The following INPP5E variants were observed in gnomAD, a reference collection of about 807,000 sequenced individuals.
The protein encoded by INPP5E is phosphatidylinositol polyphosphate 5-phosphatase type IV.
A neutral mutation model predicts 50.5 loss-of-function variants in INPP5E; 34 were observed. The ratio of observed to expected loss-of-function variants is 0.67; its 90% CI spans 0.51 to 0.90. The LOEUF (loss-of-function observed/expected upper bound fraction) is 0.90, where lower values mean the gene tolerates loss of function less well. INPP5E is among the 40% of genes least tolerant of loss of function. The pLI, the probability that INPP5E is intolerant of heterozygous loss-of-function variation, is 0.00. For missense variants in INPP5E, 942 were observed against 905.5 expected (o/e 1.04, Z -0.52); for synonymous variants, 447 against 406.0 (o/e 1.10, Z -1.21).
chr9:136,432,532 G>C lies in INPP5E; in HGVS notation c.1334C>G (p.Ala445Gly). The change falls in exon 6 of 10, where the codon GCC becomes GGC. Residue 445 changes from alanine (A) to glycine (G), a missense_variant. Coordinates refer to ENST00000371712, the MANE Select transcript of INPP5E (RefSeq NM_019892.6). ...GGGCACATTTCTGGGCAGGACCAGG[G>C]CTTGTACAGTCCTGGTGTAGTCCAG... is the stretch of plus-strand genomic sequence containing the variant. ...RLLDYTRTVQ[A>G]LVLPRNVPDT... The C allele has an allele frequency of 6.4e-7, 1 of 1,551,360 alleles. No homozygotes were observed. The highest frequency in any genetic ancestry group is 1.4e-5 in the African/African-American group (1 of 73,282).
Position 136,429,554 on chromosome 9 carries a change from GAGGCA to G in INPP5E, c.*116_*120del. 7.5e-7 allele frequency: 1 copy of G among 1,334,304 alleles called. No individual in the cohort carries two copies. Among genetic ancestry groups the G allele is most frequent in the Non-Finnish European group, 1.1e-6 (1 of 939,772 alleles). The allele number at this position is 1,334,304 out of a possible 1,614,324, so 82.7% of individuals were successfully genotyped here. Reference sequence around the variant, plus strand: ...GCTTCCTTCCTGGGACGCTGGCACAGAGGCACGGTCGCCACAGTCCCTCGGATCCC... The same window carrying G: ...GCTTCCTTCCTGGGACGCTGGCACAGCGGTCGCCACAGTCCCTCGGATCCC... On this transcript the variant is annotated 3_prime_UTR_variant, in exon 10 of 10. Coordinates refer to ENST00000371712, the MANE Select transcript of INPP5E (RefSeq NM_019892.6).
chr9:136,429,518 G>C lies in INPP5E; in HGVS notation c.*157C>G. On this transcript the variant is annotated 3_prime_UTR_variant, in exon 10 of 10. Transcript: ENST00000371712. ...TGGACCTGCCACAGAGGACAGGCTC[G>C]CTCAGGGTTGGCTTCCTTCCTGGGA... The C allele has an allele frequency of 1.0e-6, 1 of 952,884 alleles. No homozygotes were observed. The highest frequency in any genetic ancestry group is 1.3e-5 in the South Asian group (1 of 76,602). The allele number at this position is 952,884 out of a possible 1,614,324, so 59.0% of individuals were successfully genotyped here.
chr9:136,434,961 T>TC (rs1835798466), intron 1 of INPP5E, 98 bp from the exon 2 acceptor site: 1 of 1,435,054 alleles, frequency 7.0e-7, no homozygotes, highest in African/African-American at 1.4e-5. Flanking sequence ...CCATGGAATG[T>TC]CAGGAGCTGC....
intron 1 of INPP5E, chr9:136,436,294 C>T (rs914901068): frequency 6.6e-6 from 1 of 152,392 alleles, no homozygotes; most frequent in Non-Finnish European, 1.5e-5. Context: ...CCAGCAGGGG[C>T]TCCTCGGTCA....
intron 6 of INPP5E, among the ~76,000 whole-genome samples, 177 bp from the exon 7 acceptor site, chr9:136,432,162 A>G (rs1266297929): frequency 6.6e-6 from 1 of 152,166 alleles, no homozygotes; most frequent in African/African-American, 2.4e-5. Context: ...CACCTGGAGC[A>G]GCCTCAGGAG....
At position 136,434,151 on chromosome 9, in the gene INPP5E, T is replaced by G; in HGVS notation, c.937-17A>C. 1.3e-6 allele frequency: 2 copies of G among 1,585,748 alleles called. No homozygotes were observed. Among genetic ancestry groups the G allele is most frequent in the Non-Finnish European group, 1.7e-6 (2 of 1,165,044 alleles). On this transcript the variant is annotated splice_polypyrimidine_tract_variant and intron_variant, in intron 2 of 9. Transcript: ENST00000371712. Reference sequence around the variant, plus strand: ...CGGGAGCTCCTGGAAGGAGGGAGCATGTGGTGGGCCGGCTCCTCCCGAAAC... The same window carrying G: ...CGGGAGCTCCTGGAAGGAGGGAGCAGGTGGTGGGCCGGCTCCTCCCGAAAC...
At position 136,439,655 on chromosome 9, in the gene INPP5E, C is replaced by G. The variant is rs1835949641; in HGVS notation, c.-236G>C. On this transcript the variant is annotated 5_prime_UTR_variant, in exon 1 of 10. Transcript: ENST00000371712. Reference sequence around the variant, plus strand: ...TCCCAGGGCGGTCCGCAGGCAAGGCCTGGGGGAACAGGCGGCTGGGCGCCT... The same window carrying G: ...TCCCAGGGCGGTCCGCAGGCAAGGCGTGGGGGAACAGGCGGCTGGGCGCCT... 1 of 347,010 alleles carries G rather than the reference C, an allele frequency of 2.9e-6. No individual in the cohort carries two copies. Among genetic ancestry groups the G allele is most frequent in the African/African-American group, 2.1e-5 (1 of 46,746 alleles). The allele number at this position is 347,010 out of a possible 1,614,324, so 21.5% of individuals were successfully genotyped here. A position where few individuals can be genotyped will look rare whatever the true frequency, so the allele number is the denominator to read the frequency against.
In INPP5E at chr9:136,430,596, G is replaced by A. The variant is rs188794600; in HGVS notation, c.1666-183C>T. Among the ~76,000 whole-genome samples the A allele has an allele frequency of 2.2e-4, 34 of 152,330 alleles. No homozygotes were observed. In the East Asian group the frequency reaches 4.4e-3, roughly 20 times the overall value. On this transcript the variant is annotated intron_variant, in intron 8 of 9. Coordinates refer to ENST00000371712, the MANE Select transcript of INPP5E (RefSeq NM_019892.6). ...GCTGGGCCAGGGCCTGTCCCTCGCC[G>A]CTGGAGAGACCCTGTGGACAGCGGC... is the stretch of plus-strand genomic sequence containing the variant.
chr9:136,439,408 C>T lies in INPP5E; in HGVS notation c.12G>A (p.Lys4=), dbSNP rs962718636. The T allele has an allele frequency of 6.1e-6, 9 of 1,466,666 alleles. No homozygotes were observed. Among genetic ancestry groups the T allele is most frequent in the Non-Finnish European group, 8.1e-6 (9 of 1,115,042 alleles). 90.9% of individuals were successfully genotyped at this position (1,466,666 alleles called of 1,614,324 possible). A position where few individuals can be genotyped will look rare whatever the true frequency, so the allele number is the denominator to read the frequency against. Residue 4 remains lysine, a synonymous_variant, in exon 1 of 10, where the codon AAG becomes AAA. Coordinates refer to ENST00000371712, the MANE Select transcript of INPP5E (RefSeq NM_019892.6). MPS[K]AENLRPSEPA... ...GCTCGGAGGGCCGCAGATTCTCCGC[C>T]TTGGACGGCATGGACGGTCTCTCCC...
At position 136,439,630 on chromosome 9, in the gene INPP5E, T is replaced by G; in HGVS notation, c.-211A>C. On this transcript the variant is annotated 5_prime_UTR_variant, in exon 1 of 10. Transcript: ENST00000371712. ...GCCCCTCGGGGCTCCCAGACGCCGT[T>G]CCCAGGGCGGTCCGCAGGCAAGGCC... The G allele has an allele frequency of 2.8e-6, 1 of 355,354 alleles. No individual in the cohort carries two copies. The allele number at this position is 355,354 out of a possible 1,614,324, so 22.0% of individuals were successfully genotyped here.
At chr9:136,438,532 G>A (rs1835888139) in intron 1 of INPP5E, 76 bp downstream of exon 1, 3 of 1,260,058 alleles carry the variant, frequency 2.4e-6, no homozygotes, top group African/African-American at 3.0e-5. Context: ...TGATGGGAAC[G>A]GTCTCACGAG....
At chr9:136,429,890 G>A (rs1835658879) in intron 9 of INPP5E, 83 bp from the exon 10 acceptor site, 1 of 1,033,944 alleles carries the variant, frequency 9.7e-7, no homozygotes, top group East Asian at 2.4e-5. Context: ...CGGAGGAGGG[G>A]GCATTTAAGA....
intron 1 of INPP5E, chr9:136,436,769 G>C (rs3923776): frequency 0.21 from 32,073 of 152,292 alleles, 3,942 homozygotes; most frequent in Non-Finnish European, 0.28. Context: ...CTGGCACACA[G>C]ACGCCCTTTG....
intron 7 of INPP5E, 90 bp from the exon 8 acceptor site, chr9:136,431,207 G>GCCCCCCCCCCCCCCC: frequency 2.3e-5 from 16 of 683,438 alleles, no homozygotes; most frequent in South Asian, 6.1e-5. Context: ...CTCCCACCAC[G>GCCCCCCCCCCCCCCC]CCCACCCTCC....
At chr9:136,432,094 C>T in intron 6 of INPP5E, 109 bp from the exon 7 acceptor site, 2 of 1,398,132 alleles carry the variant, frequency 1.4e-6, no homozygotes, top group South Asian at 1.2e-5. Flanking sequence ...GTCTTGGGCG[C>T]CAGCCGGTGG....
intron 2 of INPP5E, 68 bp downstream of exon 2, chr9:136,434,672 C>A: frequency 6.4e-7 from 1 of 1,551,186 alleles, no homozygotes; most frequent in African/African-American, 1.4e-5. Context: ...GCTGCCCCGT[C>A]CCCCTCACCC....
In INPP5E at chr9:136,438,666, A is replaced by G. The variant is rs775406790; in HGVS notation, c.754T>C (p.Ser252Pro). Reference protein sequence around the residue: ...PLACDDCSLRSAKSSFSLLAP... With the variant: ...PLACDDCSLRPAKSSFSLLAP... ...AGGAGGCTGAAGGAGGATTTGGCCG[A>G]GCGAAGGGAACAGTCGTCGCAGGCC... The change falls in exon 1 of 10, where the codon TCG becomes CCG. Residue 252 changes from serine (S) to proline (P), a missense_variant. Transcript: ENST00000371712. The G allele has an allele frequency of 9.7e-5, 154 of 1,589,828 alleles. No homozygotes were observed. The highest frequency in any genetic ancestry group is 1.3e-4 in the Non-Finnish European group (151 of 1,168,702).
chr9:136,432,425 C>G (rs916473631), intron 6 of INPP5E, 54 bp downstream of exon 6: 1 of 1,243,992 alleles, frequency 8.0e-7, no homozygotes, highest in African/African-American at 1.5e-5. Flanking sequence ...AAACGACGGG[C>G]GCCCGTGTGC....
At position 136,431,104 on chromosome 9, in the gene INPP5E, C is replaced by A; in HGVS notation, c.1563G>T (p.Lys521Asn). 6.2e-7 allele frequency: 1 copy of A among 1,612,268 alleles called. No homozygotes were observed. Among genetic ancestry groups the A allele is most frequent in the African/African-American group, 1.3e-5 (1 of 74,832 alleles). ...AGTGGATGTCCGGCTCCTGGAAGCC[C>A]TTGAAGATGGACCCTGCCACAGGAT... Reference protein sequence around the residue: ...IREMRKGSIFKGFQEPDIHFL... With the variant: ...IREMRKGSIFNGFQEPDIHFL... The change falls in exon 8 of 10, where the codon AAG becomes AAT. Residue 521 changes from lysine (K) to asparagine (N), a missense_variant. By Grantham distance (94) the Lys-to-Asn change is moderately conservative (BLOSUM62 0). Coordinates refer to ENST00000371712, the MANE Select transcript of INPP5E (RefSeq NM_019892.6).
Sources: allele counts gnomAD v4.1 joint callset (sites outside exome capture counted in the v4.1 genomes callset), GRCh38; gene constraint gnomAD v4.1.1; transcripts MANE v1.5; gene names NCBI Gene and HGNC (gene_info 2026-07-23, HGNC 2026-07-21).